The following ZNF532 variants were observed in gnomAD, a reference collection of about 807,000 sequenced individuals.
ZNF532 encodes the protein zinc finger protein 532.
In ZNF532, 22 loss-of-function variants were observed where a neutral mutation model predicts 89.3. The observed-to-expected ratio is 0.25, with a 90% CI of 0.18 to 0.35. ZNF532 has a LOEUF of 0.35. Among genes scored for constraint, ZNF532 ranks in the 10% least tolerant of loss-of-function variants. ZNF532 has a pLI of 1.00. For missense variants in ZNF532, 1,132 were observed against 1,643.4 expected, an observed-to-expected ratio of 0.69 and a Z score of 5.38; for synonymous variants, 606 against 649.6, an observed-to-expected ratio of 0.93 and a Z score of 1.02.
chr18:58,927,166 G>A (rs954656740), intron 3 of ZNF532, among the ~76,000 whole-genome samples: 1 of 152,148 alleles, frequency 6.6e-6, no homozygotes, highest in South Asian at 2.1e-4. Context: ...AAAAATACCT[G>A]TTGGGCTGGT....
At position 58,934,426 on chromosome 18, in the gene ZNF532, T is replaced by C; in HGVS notation, c.2347-7T>C. The C allele has an allele frequency of 1.2e-6, 2 of 1,611,540 alleles. No homozygotes were observed. Among genetic ancestry groups the C allele is most frequent in the East Asian group, 2.2e-5 (1 of 44,858 alleles). On this transcript the variant is annotated splice_polypyrimidine_tract_variant and splice_region_variant and intron_variant, in intron 3 of 9. Coordinates refer to ENST00000591808, the MANE Select transcript of ZNF532 (RefSeq NM_001375912.1). Reference sequence around the variant, plus strand: ...ACCAACCCTGTTTCCCCCTTTGGTTTGTTTAGAAGACTTGCACTATCTGCC... The same window carrying C: ...ACCAACCCTGTTTCCCCCTTTGGTTCGTTTAGAAGACTTGCACTATCTGCC...
rs201221783 is a variant in ZNF532, at chr18:58,939,630, T to C, written c.2705+9T>C. On this transcript the variant is annotated intron_variant, in intron 5 of 9. Transcript: ENST00000591808. Reference sequence around the variant, plus strand: ...AAGATAGGAGAACCAAAGTAAGTCATACCGACTTTCAAGTTTTACTCCACT... The same window carrying C: ...AAGATAGGAGAACCAAAGTAAGTCACACCGACTTTCAAGTTTTACTCCACT... 1.3e-4 allele frequency: 212 copies of C among 1,606,174 alleles called. No homozygotes were observed. Among genetic ancestry groups the C allele is most frequent in the Admixed American group, 5.3e-4 (31 of 58,162 alleles).
At chr18:58,926,644 G>A (rs999275294) in intron 3 of ZNF532, among the ~76,000 whole-genome samples, 2 of 152,126 alleles carry the variant, frequency 1.3e-5, no homozygotes, top group African/African-American at 2.4e-5. Context: ...CACTGTACCC[G>A]GCCTTGTAGT....
At chr18:58,923,211 C>A (rs1042432726) in intron 3 of ZNF532, among the ~76,000 whole-genome samples, 2 of 151,942 alleles carry the variant, frequency 1.3e-5, no homozygotes, top group Non-Finnish European at 2.9e-5. Flanking sequence ...CAGCGAAGGG[C>A]GTTGGTTTGT....
intron 7 of ZNF532, 122 bp downstream of exon 7, chr18:58,953,921 A>G: frequency 2.1e-6 from 3 of 1,452,902 alleles, no homozygotes; most frequent in Non-Finnish European, 9.1e-7. Flanking sequence ...CTTAAAAATC[A>G]CTTGGTGTCT....
intron 2 of ZNF532, among the ~76,000 whole-genome samples, chr18:58,869,515 CAATAG>C (rs912481534): frequency 6.6e-6 from 1 of 152,116 alleles, no homozygotes; most frequent in African/African-American, 2.4e-5. Context: ...CACAAAACAA[CAATAG>C]AATAGAAATT....
At chr18:58,967,818 C>T (rs1219244130) in intron 7 of ZNF532, among the ~76,000 whole-genome samples, 2 of 152,226 alleles carry the variant, frequency 1.3e-5, no homozygotes, top group African/African-American at 4.8e-5. Flanking sequence ...TTTGCACCTT[C>T]TACCTTGCCG....
intron 4 of ZNF532, among the ~76,000 whole-genome samples, chr18:58,935,915 A>G (rs2062431992): frequency 6.6e-6 from 1 of 151,908 alleles, no homozygotes; most frequent in Non-Finnish European, 1.5e-5. Flanking sequence ...TGATGGTTTT[A>G]TTTAAGTTTA....
At chr18:58,914,316 A>G (rs531694478) in intron 2 of ZNF532, among the ~76,000 whole-genome samples, 89 of 152,354 alleles carry the variant, frequency 5.8e-4, no homozygotes, top group African/African-American at 1.9e-3. Flanking sequence ...CTTTGGGTGA[A>G]AGAACATTAT....
intron 6 of ZNF532, among the ~76,000 whole-genome samples, chr18:58,950,475 G>GTT (rs143645443): frequency 2.0e-5 from 3 of 148,282 alleles, no homozygotes; most frequent in Non-Finnish European, 3.0e-5. Context: ...GGGGCATACT[G>GTT]TTTTTTTTTT....
chr18:58,956,055 C>T (rs2064742589), intron 7 of ZNF532, among the ~76,000 whole-genome samples: 1 of 152,134 alleles, frequency 6.6e-6, no homozygotes, highest in African/African-American at 2.4e-5. Flanking sequence ...AACTCTTTTC[C>T]TTTTTTAAAA....
At chr18:58,936,131 T>C (rs775709089) in intron 4 of ZNF532, among the ~76,000 whole-genome samples, 12 of 152,338 alleles carry the variant, frequency 7.9e-5, no homozygotes, top group Non-Finnish European at 1.5e-4. Flanking sequence ...CAGTAACTAA[T>C]TATGTGGTAA....
chr18:58,899,626 G>T (rs1012870355), intron 2 of ZNF532, among the ~76,000 whole-genome samples: 4 of 151,994 alleles, frequency 2.6e-5, no homozygotes, highest in Non-Finnish European at 4.4e-5. Context: ...GAGCCACCAC[G>T]CCCAGCTTAT....
At position 58,919,974 on chromosome 18, in the gene ZNF532, C is replaced by A. The variant is rs775428054; in HGVS notation, c.1687C>A (p.Pro563Thr). Residue 563 changes from proline (P) to threonine (T), a missense_variant, in exon 3 of 10, where the codon CCC becomes ACC. Pro to Thr is a conservative substitution (Grantham distance 38). This residue lies in a region of ZNF532 where 97 missense variants were observed against 143.7 expected (regional missense o/e 0.68). Coordinates refer to ENST00000591808, the MANE Select transcript of ZNF532 (RefSeq NM_001375912.1). The surrounding 1 kb of genome is among the most constrained non-coding windows in gnomAD (Gnocchi z 6.1). ...QAIINAAASQ[P>T]PKKVSRVQVV... ...AATAATCAATGCAGCAGCCTCGCAACCCCCCAAAAAGGTGTCTCGAGTCCA... is the reference window on the plus strand; with the variant it reads ...AATAATCAATGCAGCAGCCTCGCAAACCCCCAAAAAGGTGTCTCGAGTCCA... 1.9e-6 allele frequency: 3 copies of A among 1,613,628 alleles called. No homozygotes were observed. Among genetic ancestry groups the A allele is most frequent in the Non-Finnish European group, 2.5e-6 (3 of 1,179,788 alleles).
intron 2 of ZNF532, among the ~76,000 whole-genome samples, chr18:58,902,267 A>G (rs1225686591): frequency 6.6e-6 from 1 of 152,136 alleles, no homozygotes; most frequent in Non-Finnish European, 1.5e-5. Context: ...ATCTTTGGTT[A>G]GTGCTTGATG....
intron 5 of ZNF532, among the ~76,000 whole-genome samples, chr18:58,940,963 TTCTCTCTC>T (rs140521782): frequency 3.8e-5 from 4 of 105,330 alleles, no homozygotes; most frequent in African/African-American, 8.1e-5. Flanking sequence ...CACACACTCT[TTCTCTCTC>T]TCTCTCTCTC....
chr18:58,961,435 C>T (rs2065334086), intron 7 of ZNF532, among the ~76,000 whole-genome samples: 1 of 152,154 alleles, frequency 6.6e-6, no homozygotes, highest in Admixed American at 6.5e-5. Context: ...TCTTTCAGCC[C>T]CATTGTCTCA....
Position 58,886,334 on chromosome 18 carries a change from T to C in ZNF532, c.-18+20755T>C, listed in dbSNP as rs145023375. The stretch of plus-strand genomic sequence containing the variant: ...TTTTACGTGTCTATATGCTTAAATA[T>C]AAAAACGTATGCTTATTTTATTTTA... On this transcript the variant is annotated intron_variant, in intron 2 of 9. Coordinates refer to ENST00000591808, the MANE Select transcript of ZNF532 (RefSeq NM_001375912.1). 2.0e-3 allele frequency among the ~76,000 whole-genome samples: 304 copies of C among 152,342 alleles called. 1 individual carries two copies. Among genetic ancestry groups the C allele is most frequent in the Non-Finnish European group, 3.1e-3 (212 of 68,022 alleles).
chr18:58,971,029 G>A (rs1415803152), intron 7 of ZNF532, among the ~76,000 whole-genome samples: 1 of 152,184 alleles, frequency 6.6e-6, no homozygotes, highest in African/African-American at 2.4e-5. Context: ...TCCGGATTTG[G>A]CCTTCTGTTC....
Sources: allele counts gnomAD v4.1 joint callset (sites outside exome capture counted in the v4.1 genomes callset), GRCh38; gene constraint gnomAD v4.1.1; regional missense constraint gnomAD v4.1.1; non-coding constraint Gnocchi (gnomAD v3.1); transcripts MANE v1.5; gene names NCBI Gene and HGNC (gene_info 2026-07-23, HGNC 2026-07-21).